UBE2E2: variants seen among roughly 807,000 people sequenced by gnomAD.
UBE2E2 encodes ubiquitin-conjugating enzyme E2 E2.
In UBE2E2, 6 loss-of-function variants were observed where a neutral mutation model predicts 24.7. The observed-to-expected ratio is 0.24, with a 90% CI of 0.13 to 0.48. The LOEUF (loss-of-function observed/expected upper bound fraction) is 0.48, where lower values mean the gene tolerates loss of function less well. UBE2E2 is among the 20% of genes least tolerant of loss of function. The pLI, the probability that UBE2E2 is intolerant of heterozygous loss-of-function variation, is 0.99. For synonymous variants in UBE2E2, 104 were observed against 83.6 expected, an observed-to-expected ratio of 1.24 and a Z score of -1.33; for missense variants, 169 against 245.0, an observed-to-expected ratio of 0.69 and a Z score of 2.07.
chr3:23,564,038 T>G (rs550003219), intron 5 of UBE2E2, among the ~76,000 whole-genome samples: 68 of 80,788 alleles, frequency 8.4e-4, no homozygotes, highest in Admixed American at 3.8e-3. Context: ...GTTTTTTCTG[T>G]TTTTTTTTAC....
chr3:23,530,922 A>G (rs575849564), intron 4 of UBE2E2, among the ~76,000 whole-genome samples: 4 of 152,060 alleles, frequency 2.6e-5, no homozygotes, highest in Admixed American at 6.5e-5. Context: ...GCTTACTATA[A>G]TTTTTGGTTT....
intron 5 of UBE2E2, among the ~76,000 whole-genome samples, chr3:23,533,397 G>A (rs985160738): frequency 4.6e-5 from 7 of 152,050 alleles, no homozygotes; most frequent in South Asian, 2.1e-4. Context: ...TATTTTATGA[G>A]TAATTAATAG....
At chr3:23,569,343 A>T (rs1426392166) in intron 5 of UBE2E2, among the ~76,000 whole-genome samples, 1 of 152,212 alleles carries the variant, frequency 6.6e-6, no homozygotes, top group Non-Finnish European at 1.5e-5. Context: ...AGCGGGGAGT[A>T]ACTGCTAATG....
chr3:23,508,971 A>G (rs767427435), intron 4 of UBE2E2, among the ~76,000 whole-genome samples: 24 of 152,222 alleles, frequency 1.6e-4, no homozygotes, highest in Non-Finnish European at 3.2e-4. Flanking sequence ...AGATTCACAG[A>G]TGACACAAGT....
At chr3:23,251,475 G>C (rs1297015893) in intron 3 of UBE2E2, among the ~76,000 whole-genome samples, 1 of 152,166 alleles carries the variant, frequency 6.6e-6, no homozygotes, top group Admixed American at 6.5e-5. Flanking sequence ...TTGTCAGAAA[G>C]TTAAAGAGCA....
intron 3 of UBE2E2, among the ~76,000 whole-genome samples, chr3:23,396,092 A>C (rs1050238763): frequency 6.6e-6 from 1 of 151,770 alleles, no homozygotes; most frequent in Non-Finnish European, 1.5e-5. Context: ...GCTCTTTAAG[A>C]CTTTTTAATG....
At chr3:23,252,019 A>G (rs1358339759) in intron 3 of UBE2E2, among the ~76,000 whole-genome samples, 1 of 152,234 alleles carries the variant, frequency 6.6e-6, no homozygotes, top group East Asian at 1.9e-4. Flanking sequence ...CTGTAATCCA[A>G]GGGGGCACAT....
intron 3 of UBE2E2, among the ~76,000 whole-genome samples, chr3:23,278,947 T>C (rs1698427802): frequency 6.6e-6 from 1 of 152,178 alleles, no homozygotes; most frequent in Non-Finnish European, 1.5e-5. Context: ...TTCCAGTTTT[T>C]TTTAATAATT....
At chr3:23,244,715 T>G (rs985441855) in intron 3 of UBE2E2, among the ~76,000 whole-genome samples, 1 of 152,174 alleles carries the variant, frequency 6.6e-6, no homozygotes, top group African/African-American at 2.4e-5. Flanking sequence ...TAATTTTAAT[T>G]GCTATTTCTG....
At chr3:23,422,625 C>G (rs1425155446) in intron 3 of UBE2E2, among the ~76,000 whole-genome samples, 2 of 152,190 alleles carry the variant, frequency 1.3e-5, no homozygotes, top group African/African-American at 4.8e-5. Context: ...AACCAGAGAG[C>G]TGCTTTAAAT....
At chr3:23,288,657 AT>A (rs1196894071) in intron 3 of UBE2E2, among the ~76,000 whole-genome samples, 1 of 152,078 alleles carries the variant, frequency 6.6e-6, no homozygotes, top group East Asian at 1.9e-4. Flanking sequence ...TTATCATTAT[AT>A]TATGACCTTC....
chr3:23,491,080 G>GT (rs1369450957), intron 3 of UBE2E2, among the ~76,000 whole-genome samples: 2 of 152,198 alleles, frequency 1.3e-5, no homozygotes, highest in African/African-American at 2.4e-5. Flanking sequence ...ATGGAGTTTA[G>GT]TGTATGAAAT....
intron 3 of UBE2E2, among the ~76,000 whole-genome samples, chr3:23,267,209 C>T (rs1233668977): frequency 1.3e-5 from 2 of 151,090 alleles, no homozygotes; most frequent in African/African-American, 4.9e-5. Context: ...AAAATCAGAG[C>T]AGAACTGAAG....
intron 3 of UBE2E2, among the ~76,000 whole-genome samples, chr3:23,355,785 A>G (rs1257500248): frequency 6.6e-6 from 1 of 152,170 alleles, no homozygotes; most frequent in African/African-American, 2.4e-5. Context: ...TTTTTCTATA[A>G]CAGTTATTAA....
chr3:23,494,436 C>T (rs1699563500), intron 3 of UBE2E2, among the ~76,000 whole-genome samples: 1 of 151,998 alleles, frequency 6.6e-6, no homozygotes. Flanking sequence ...CTTTCTTTTG[C>T]ATTAAGTCTT....
intron 3 of UBE2E2, among the ~76,000 whole-genome samples, chr3:23,403,186 A>G (rs1326506196): frequency 6.6e-6 from 1 of 152,222 alleles, no homozygotes; most frequent in Non-Finnish European, 1.5e-5. Flanking sequence ...CACAGTTACC[A>G]CTAGTACTTT....
chr3:23,505,407 G>C (rs189823666), intron 4 of UBE2E2, among the ~76,000 whole-genome samples: 5 of 152,150 alleles, frequency 3.3e-5, no homozygotes, highest in Admixed American at 1.3e-4. Flanking sequence ...AGGTAGGTGA[G>C]AGAGTCACTC....
chr3:23,339,950 A>C (rs548448246), intron 3 of UBE2E2, among the ~76,000 whole-genome samples: 2 of 152,268 alleles, frequency 1.3e-5, no homozygotes, highest in African/African-American at 4.8e-5. Context: ...ATTTAGAGAA[A>C]AAGAGTTAGG....
At chr3:23,580,964 C>T (rs765285842) in intron 5 of UBE2E2, among the ~76,000 whole-genome samples, 1 of 152,176 alleles carries the variant, frequency 6.6e-6, no homozygotes, top group Non-Finnish European at 1.5e-5. Flanking sequence ...ACGTAACTTC[C>T]TATCTAACGT....
Sources: allele counts gnomAD v4.1 joint callset (sites outside exome capture counted in the v4.1 genomes callset), GRCh38; gene constraint gnomAD v4.1.1; transcripts MANE v1.5; gene names NCBI Gene and HGNC (gene_info 2026-07-23, HGNC 2026-07-21).